Variants in STK39 observed in about 807,000 individuals in gnomAD.
STK39 encodes the protein serine/threonine kinase 39, also known as STE20/SPS1-related proline-alanine-rich protein kinase.
Under a neutral mutation model 77.8 loss-of-function variants are expected in STK39, and 20 were observed. The observed-to-expected ratio is 0.26, with a 90% CI of 0.18 to 0.37. STK39 has a LOEUF of 0.37. Among genes scored for constraint, STK39 ranks in the 10% least tolerant of loss-of-function variants. STK39 has a pLI of 1.00. For synonymous variants in STK39, 246 were observed against 234.1 expected, an observed-to-expected ratio of 1.05 and a Z score of -0.47; for missense variants, 479 against 656.5, an observed-to-expected ratio of 0.73 and a Z score of 2.95.
chr2:168,217,373 G>A (rs533140015), intron 1 of STK39, among the ~76,000 whole-genome samples: 19 of 152,234 alleles, frequency 1.2e-4, no homozygotes, highest in Admixed American at 5.2e-4. Context: ...GATGCAGGAC[G>A]GGGAATACTC....
At chr2:168,180,128 C>T (rs1237673989) in intron 2 of STK39, among the ~76,000 whole-genome samples, 4 of 152,202 alleles carry the variant, frequency 2.6e-5, no homozygotes, top group South Asian at 2.1e-4. Flanking sequence ...GGACAGATCA[C>T]CTGAGGTCAG....
intron 10 of STK39, among the ~76,000 whole-genome samples, chr2:168,094,168 C>T (rs565514418): frequency 6.6e-6 from 1 of 152,328 alleles, no homozygotes; most frequent in South Asian, 2.1e-4. Flanking sequence ...AAGTCCTCCC[C>T]TGATCTGTGG....
chr2:168,155,685 T>C (rs1688409327), intron 5 of STK39, among the ~76,000 whole-genome samples: 1 of 152,190 alleles, frequency 6.6e-6, no homozygotes, highest in Non-Finnish European at 1.5e-5. Flanking sequence ...GCTTGCAGGC[T>C]AGGGCAGTGC....
At chr2:168,156,097 T>C (rs753776843) in intron 5 of STK39, among the ~76,000 whole-genome samples, 2 of 152,190 alleles carry the variant, frequency 1.3e-5, no homozygotes, top group African/African-American at 4.8e-5. Context: ...AGCTAGAGTA[T>C]GGCCAGAACC....
chr2:168,050,842 A>G (rs972784327), intron 14 of STK39, among the ~76,000 whole-genome samples: 5 of 152,340 alleles, frequency 3.3e-5, no homozygotes, highest in South Asian at 2.1e-4. Flanking sequence ...AGGCCAACCA[A>G]TGAAATTCAC....
intron 1 of STK39, among the ~76,000 whole-genome samples, chr2:168,220,696 A>G (rs1394943415): frequency 2.6e-5 from 4 of 152,178 alleles, no homozygotes; most frequent in Non-Finnish European, 4.4e-5. Context: ...TTCTAGGGAA[A>G]TTTTGGTTCC....
chr2:168,244,406 G>C (rs1361597288), intron 1 of STK39, among the ~76,000 whole-genome samples: 2 of 152,168 alleles, frequency 1.3e-5, no homozygotes, highest in African/African-American at 2.4e-5. Context: ...GTTAAAACAC[G>C]GTGCCTCCTT....
intron 5 of STK39, among the ~76,000 whole-genome samples, chr2:168,141,777 C>T (rs1388390224): frequency 6.6e-6 from 1 of 152,160 alleles, no homozygotes; most frequent in African/African-American, 2.4e-5. Flanking sequence ...TTGCGAGTCC[C>T]CCTTGTTGGC....
chr2:167,971,128 C>G (rs1484475201), intron 16 of STK39, among the ~76,000 whole-genome samples: 1 of 151,408 alleles, frequency 6.6e-6, no homozygotes, highest in Non-Finnish European at 1.5e-5. Context: ...CTTGTATCCA[C>G]TAATCTCTCG....
At chr2:167,962,232 C>T (rs558740445) in intron 17 of STK39, among the ~76,000 whole-genome samples, 1 of 152,272 alleles carries the variant, frequency 6.6e-6, no homozygotes, top group South Asian at 2.1e-4. Context: ...CGAGGAAAAA[C>T]GCTGCTGAAA....
At chr2:168,076,158 G>A (rs144410900) in intron 10 of STK39, among the ~76,000 whole-genome samples, 161 of 152,284 alleles carry the variant, frequency 1.1e-3, no homozygotes, top group African/African-American at 3.7e-3. Context: ...GAGAAACTTC[G>A]TGTGGAAAGG....
intron 10 of STK39, among the ~76,000 whole-genome samples, chr2:168,081,675 T>C (rs1474182042): frequency 3.3e-5 from 5 of 152,140 alleles, no homozygotes; most frequent in Non-Finnish European, 7.4e-5. Flanking sequence ...TGATATGGTT[T>C]GGCTGTGTCC....
chr2:168,019,950 C>A (rs1684529891), intron 14 of STK39, among the ~76,000 whole-genome samples: 2 of 152,162 alleles, frequency 1.3e-5, no homozygotes, highest in Admixed American at 6.5e-5. Flanking sequence ...AGTGATCAGC[C>A]TGCCTCAGCC....
At chr2:168,136,267 A>T (rs1574493710) in intron 8 of STK39, among the ~76,000 whole-genome samples, 1 of 150,800 alleles carries the variant, frequency 6.6e-6, no homozygotes, top group Non-Finnish European at 1.5e-5. Context: ...TACTCGGGAG[A>T]GTGAGGCAGG....
intron 8 of STK39, among the ~76,000 whole-genome samples, chr2:168,132,995 G>T (rs909890775): frequency 6.6e-6 from 1 of 152,144 alleles, no homozygotes; most frequent in Non-Finnish European, 1.5e-5. Flanking sequence ...ATACAGCGGG[G>T]AACAGGAGAA....
chr2:167,994,564 G>GA (rs1307962368), intron 16 of STK39, among the ~76,000 whole-genome samples: 4 of 151,996 alleles, frequency 2.6e-5, no homozygotes, highest in Non-Finnish European at 5.9e-5. Context: ...CACCTAAAAG[G>GA]AAAACTGTGT....
chr2:168,161,277 T>C (rs1207993542), intron 5 of STK39, among the ~76,000 whole-genome samples: 1 of 152,212 alleles, frequency 6.6e-6, no homozygotes. Flanking sequence ...ATATTGTGTG[T>C]TCATGTAAAA....
intron 16 of STK39, among the ~76,000 whole-genome samples, chr2:168,006,801 T>C (rs927458275): frequency 6.6e-6 from 1 of 152,234 alleles, no homozygotes; most frequent in Non-Finnish European, 1.5e-5. Context: ...CAAGTGGGTT[T>C]ATGATTTCAG....
chr2:168,022,142 C>G (rs1376103031), intron 14 of STK39, among the ~76,000 whole-genome samples: 1 of 152,090 alleles, frequency 6.6e-6, no homozygotes, highest in African/African-American at 2.4e-5. Context: ...GATGCTACAG[C>G]CTTTTTTCAC....
Sources: gnomAD v4.1 joint callset for allele counts (sites outside exome capture counted in the v4.1 genomes callset) on GRCh38, gnomAD v4.1.1 for gene constraint, MANE v1.5 for transcripts, NCBI Gene and HGNC (gene_info 2026-07-23, HGNC 2026-07-21) for gene names.